The following B3GALT1 variants were observed in gnomAD, a reference collection of about 807,000 sequenced individuals.
The protein encoded by B3GALT1 is UDP-Gal:betaGlcNAc beta 1,3-galactosyltransferase, polypeptide 1.
B3GALT1 carries 10 observed loss-of-function variants against 23.2 expected under a neutral mutation model. The ratio of observed to expected loss-of-function variants is 0.43; its 90% CI spans 0.27 to 0.73. The LOEUF (loss-of-function observed/expected upper bound fraction) is 0.73. Ranked by LOEUF, B3GALT1 falls within the 30% of genes least tolerant of loss-of-function variation. The pLI, the probability that B3GALT1 is intolerant of heterozygous loss-of-function variation, is 0.21. For synonymous variants in B3GALT1, 156 were observed against 141.5 expected, an observed-to-expected ratio of 1.10 and a Z score of -0.73; for missense variants, 299 against 405.4, an observed-to-expected ratio of 0.74 and a Z score of 2.25.
At chr2:167,663,530 C>T (rs1020917753) in intron 3 of B3GALT1, among the ~76,000 whole-genome samples, 13 of 151,844 alleles carry the variant, frequency 8.6e-5, no homozygotes, top group Non-Finnish European at 1.3e-4. Flanking sequence ...CCTGAGGAAT[C>T]GCCACACTGA....
intron 3 of B3GALT1, among the ~76,000 whole-genome samples, chr2:167,653,815 G>A (rs751293988): frequency 2.6e-5 from 4 of 152,136 alleles, no homozygotes; most frequent in Non-Finnish European, 5.9e-5. Flanking sequence ...TGCCCTGGTG[G>A]GAGTTCACTG....
intron 2 of B3GALT1, among the ~76,000 whole-genome samples, chr2:167,599,817 T>A (rs1210640127): frequency 1.3e-5 from 2 of 152,008 alleles, no homozygotes; most frequent in East Asian, 1.9e-4. Context: ...TGGACACATG[T>A]TTTTTTTCCA....
At chr2:167,367,211 A>G (rs1324238769) in intron 1 of B3GALT1, among the ~76,000 whole-genome samples, 1 of 152,238 alleles carries the variant, frequency 6.6e-6, no homozygotes, top group Non-Finnish European at 1.5e-5. Context: ...AATGGCAAAT[A>G]TTACTTCCTC....
At chr2:167,372,142 A>G (rs1357400545) in intron 1 of B3GALT1, among the ~76,000 whole-genome samples, 1 of 151,978 alleles carries the variant, frequency 6.6e-6, no homozygotes, top group Non-Finnish European at 1.5e-5. Flanking sequence ...GTAAAATACC[A>G]TGGTTATGTG....
chr2:167,691,594 T>G (rs912989506), intron 3 of B3GALT1, among the ~76,000 whole-genome samples: 9 of 152,146 alleles, frequency 5.9e-5, no homozygotes, highest in African/African-American at 1.9e-4. Flanking sequence ...AGGAGGACAG[T>G]TTTTGTCTGC....
intron 1 of B3GALT1, among the ~76,000 whole-genome samples, chr2:167,386,879 A>G (rs887063777): frequency 5.9e-5 from 9 of 152,222 alleles, no homozygotes; most frequent in Non-Finnish European, 1.3e-4. Context: ...CCCTAACTGT[A>G]AAATAGATGA....
At chr2:167,810,582 A>G (rs1247330212) in intron 3 of B3GALT1, among the ~76,000 whole-genome samples, 2 of 151,042 alleles carry the variant, frequency 1.3e-5, no homozygotes, top group Non-Finnish European at 2.9e-5. Context: ...GAATCTTAAT[A>G]TAAATTTTTA....
chr2:167,432,915 C>T (rs747700416), intron 1 of B3GALT1, among the ~76,000 whole-genome samples: 1 of 152,124 alleles, frequency 6.6e-6, no homozygotes, highest in Non-Finnish European at 1.5e-5. Flanking sequence ...AACTGATGAA[C>T]CTACATTGAC....
At chr2:167,563,415 C>G (rs1375075820) in intron 2 of B3GALT1, among the ~76,000 whole-genome samples, 1 of 129,778 alleles carries the variant, frequency 7.7e-6, no homozygotes, top group Non-Finnish European at 1.7e-5. Context: ...GGGGGCTGAC[C>G]CCTCCACCTC....
intron 2 of B3GALT1, among the ~76,000 whole-genome samples, chr2:167,597,948 A>G (rs1318680104): frequency 2.6e-5 from 4 of 152,226 alleles, no homozygotes; most frequent in Non-Finnish European, 5.9e-5. Flanking sequence ...AAATTAAACC[A>G]TAGATAGACC....
chr2:167,320,232 C>A (rs549794712), intron 1 of B3GALT1, among the ~76,000 whole-genome samples: 11 of 151,554 alleles, frequency 7.3e-5, no homozygotes, highest in East Asian at 5.8e-4. Flanking sequence ...CTCTATCACC[C>A]AGCCTAGAAT....
chr2:167,627,721 A>G (rs1311231748), intron 2 of B3GALT1, among the ~76,000 whole-genome samples: 1 of 151,688 alleles, frequency 6.6e-6, no homozygotes, highest in African/African-American at 2.4e-5. Context: ...TGAGAAGTGT[A>G]TGCTAAATTT....
chr2:167,741,085 T>A (rs76543387), intron 3 of B3GALT1, among the ~76,000 whole-genome samples: 1 of 152,194 alleles, frequency 6.6e-6, no homozygotes, highest in Non-Finnish European at 1.5e-5. Flanking sequence ...CACTTTTCTT[T>A]GTCTCTCTCT....
intron 1 of B3GALT1, among the ~76,000 whole-genome samples, chr2:167,485,471 T>C (rs1210252906): frequency 1.3e-5 from 2 of 152,200 alleles, no homozygotes; most frequent in Non-Finnish European, 2.9e-5. Flanking sequence ...CGTGTCCTAG[T>C]CATTCTCACT....
intron 3 of B3GALT1, among the ~76,000 whole-genome samples, chr2:167,723,128 T>G (rs1240323227): frequency 2.0e-5 from 3 of 152,230 alleles, no homozygotes; most frequent in Non-Finnish European, 4.4e-5. Flanking sequence ...GTGATGAATT[T>G]CACTGTAGAA....
intron 3 of B3GALT1, among the ~76,000 whole-genome samples, chr2:167,781,343 A>G (rs751417131): frequency 6.6e-6 from 1 of 152,216 alleles, no homozygotes; most frequent in African/African-American, 2.4e-5. Flanking sequence ...CCTAGAAAAT[A>G]TGGCGACATC....
chr2:167,566,937 G>A (rs939364413), intron 2 of B3GALT1, among the ~76,000 whole-genome samples: 2 of 152,130 alleles, frequency 1.3e-5, no homozygotes, highest in Admixed American at 1.3e-4. Context: ...TGAATCCCCC[G>A]GGTATTTATT....
At chr2:167,461,233 G>C (rs1000280082) in intron 1 of B3GALT1, among the ~76,000 whole-genome samples, 3 of 152,246 alleles carry the variant, frequency 2.0e-5, no homozygotes, top group African/African-American at 7.2e-5. Flanking sequence ...CACATGCATA[G>C]TTGCCTGCCA....
At chr2:167,357,415 A>T (rs889668878) in intron 1 of B3GALT1, among the ~76,000 whole-genome samples, 66 of 152,228 alleles carry the variant, frequency 4.3e-4, no homozygotes, top group African/African-American at 1.5e-3. Context: ...TGTTTTAATT[A>T]TTATTACTAC....
Sources: allele counts gnomAD v4.1 joint callset (sites outside exome capture counted in the v4.1 genomes callset), GRCh38; gene constraint gnomAD v4.1.1; transcripts MANE v1.5; gene names NCBI Gene and HGNC (gene_info 2026-07-23, HGNC 2026-07-21).